The following MAPT variants were observed in gnomAD, a reference collection of about 807,000 sequenced individuals.
MAPT encodes the protein microtubule-associated protein tau.
MAPT carries 34 observed loss-of-function variants against 67.9 expected under a neutral mutation model. That is an observed-to-expected ratio of 0.50 (90% CI 0.38 to 0.67). The LOEUF is 0.67. MAPT is among the 30% of genes least tolerant of loss of function. The probability of loss-of-function intolerance (pLI) is 0.00; values close to 1 mark genes in which losing one functional copy is unlikely to be tolerated. For missense variants in MAPT, 881 were observed against 1,115.2 expected (o/e 0.79, Z 2.99); for synonymous variants, 456 against 464.5 (o/e 0.98, Z 0.23).
intron 9 of MAPT, among the ~76,000 whole-genome samples, chr17:45,997,497 C>T (rs1346892052): frequency 1.3e-5 from 2 of 152,196 alleles, no homozygotes; most frequent in Non-Finnish European, 2.9e-5. Flanking sequence ...TAGTGGCTCA[C>T]GCCTATAATC....
chr17:45,985,020 G>C (rs947027509), intron 5 of MAPT, among the ~76,000 whole-genome samples: 1 of 152,228 alleles, frequency 6.6e-6, no homozygotes, highest in African/African-American at 2.4e-5. Flanking sequence ...AGTTAAGACA[G>C]AGGCTGGGGG....
intron 1 of MAPT, among the ~76,000 whole-genome samples, chr17:45,928,429 A>G (rs1281105959): frequency 6.6e-6 from 1 of 152,130 alleles, no homozygotes; most frequent in Admixed American, 6.6e-5. Context: ...CTACACTCCT[A>G]TGACTTTGTG....
chr17:45,988,516 C>G (rs537511154), intron 6 of MAPT, among the ~76,000 whole-genome samples: 1 of 152,346 alleles, frequency 6.6e-6, no homozygotes, highest in East Asian at 1.9e-4. Context: ...CCCCCCAGCC[C>G]CGCCTCCATA....
At chr17:45,899,656 T>TATTG (rs1326150913) in intron 1 of MAPT, among the ~76,000 whole-genome samples, 1 of 152,202 alleles carries the variant, frequency 6.6e-6, no homozygotes, top group Non-Finnish European at 1.5e-5. Flanking sequence ...CCCAGTAGAA[T>TATTG]ATTGATTCCA....
chr17:45,939,079 G>T (rs1263686279), intron 1 of MAPT, among the ~76,000 whole-genome samples: 1 of 152,094 alleles, frequency 6.6e-6, no homozygotes, highest in Non-Finnish European at 1.5e-5. Flanking sequence ...CTCTCAAAGT[G>T]CTGGGATTAC....
At chr17:45,945,230 GGATAATAA>G (rs1568213314) in intron 1 of MAPT, among the ~76,000 whole-genome samples, 1 of 152,126 alleles carries the variant, frequency 6.6e-6, no homozygotes, top group East Asian at 1.9e-4. Flanking sequence ...TGTAAAACGG[GGATAATAA>G]GATAATAACA....
intron 2 of MAPT, among the ~76,000 whole-genome samples, chr17:45,968,823 C>T (rs1308325256): frequency 6.6e-6 from 1 of 152,204 alleles, no homozygotes; most frequent in Admixed American, 6.5e-5. Context: ...TAATCACTGC[C>T]ACTTATTGGG....
intron 9 of MAPT, among the ~76,000 whole-genome samples, chr17:46,002,520 G>A (rs2075084098): frequency 6.6e-6 from 1 of 152,170 alleles, no homozygotes; most frequent in Non-Finnish European, 1.5e-5. Flanking sequence ...CCAAGCATGG[G>A]GGGGCCTGGT....
rs117105048 is a variant in MAPT, at chr17:46,016,912, A to T, written c.2174-1706A>T. Reference sequence around the variant, plus strand: ...AACATGGCTGGTACAGTTGAGGAAGAGTGGCTGCCATATCGGACGACACAG... The same window carrying T: ...AACATGGCTGGTACAGTTGAGGAAGTGTGGCTGCCATATCGGACGACACAG... On this transcript the variant is annotated intron_variant, in intron 11 of 12. Coordinates refer to ENST00000262410, the MANE Select transcript of MAPT (RefSeq NM_001377265.1). Among the ~76,000 whole-genome samples the T allele has an allele frequency of 1.0e-3, 152 of 152,302 alleles. 1 individual carries two copies. Among genetic ancestry groups the T allele is most frequent in the African/African-American group, 3.5e-3 (145 of 41,546 alleles).
At chr17:46,021,981 A>C (rs954822129) in intron 12 of MAPT, among the ~76,000 whole-genome samples, 4 of 152,218 alleles carry the variant, frequency 2.6e-5, no homozygotes, top group Non-Finnish European at 5.9e-5. Flanking sequence ...GGACATTCCC[A>C]GGAATGTCTT....
At chr17:45,925,537 C>T (rs2066195636) in intron 1 of MAPT, among the ~76,000 whole-genome samples, 1 of 151,560 alleles carries the variant, frequency 6.6e-6, no homozygotes, top group South Asian at 2.1e-4. Context: ...TAGTCACATG[C>T]AAAAGATTTA....
At chr17:45,933,429 A>G (rs900515525) in intron 1 of MAPT, among the ~76,000 whole-genome samples, 12 of 152,030 alleles carry the variant, frequency 7.9e-5, no homozygotes, top group Non-Finnish European at 2.9e-5. Flanking sequence ...TAGTAGAGGC[A>G]GGGTTTCACC....
intron 3 of MAPT, chr17:45,974,134 A>G: frequency 1.8e-6 from 1 of 562,768 alleles, no homozygotes; most frequent in Non-Finnish European, 3.2e-6. Flanking sequence ...CAGCGTTTAC[A>G]CAGGGCTGCC....
At chr17:46,006,758 C>CA (rs1427684897) in intron 9 of MAPT, among the ~76,000 whole-genome samples, 16 of 150,916 alleles carry the variant, frequency 1.1e-4, no homozygotes, top group African/African-American at 1.7e-4. Context: ...ACTACAAATA[C>CA]AAAAAAAAGA....
chr17:46,015,430 C>T (rs900186043), intron 11 of MAPT, among the ~76,000 whole-genome samples: 8 of 151,614 alleles, frequency 5.3e-5, no homozygotes, highest in South Asian at 2.1e-4. Context: ...GAGGCCGAGG[C>T]GAGCGGATCA....
In MAPT at chr17:45,901,284, C is replaced by T. The variant is rs78002412; in HGVS notation, c.-18+6598C>T. On this transcript the variant is annotated intron_variant, in intron 1 of 12. Coordinates refer to ENST00000262410, the MANE Select transcript of MAPT (RefSeq NM_001377265.1). ...TGACCTGCCTTCCCGCCAGCCATCC[C>T]GGGCAGGGTGACCTGGCTTAGTACA... is the stretch of plus-strand genomic sequence containing the variant. Among the ~76,000 whole-genome samples the T allele has an allele frequency of 1.2e-4, 19 of 152,304 alleles. No individual in the cohort carries two copies. In the East Asian group the frequency reaches 1.9e-3, roughly 15 times the overall value.
intron 2 of MAPT, among the ~76,000 whole-genome samples, chr17:45,963,937 G>C (rs2070741472): frequency 6.6e-6 from 1 of 152,190 alleles, no homozygotes; most frequent in African/African-American, 2.4e-5. Context: ...AGGTGGGTTG[G>C]GGGTAGGTGA....
At chr17:46,014,818 G>A (rs1159344722) in intron 11 of MAPT, among the ~76,000 whole-genome samples, 1 of 151,780 alleles carries the variant, frequency 6.6e-6, no homozygotes, top group Admixed American at 6.6e-5. Context: ...AGCTTGCAGT[G>A]AGCGGAGTGA....
rs781280791 is a variant in MAPT at position 45,983,805 on chromosome 17, G to A, written c.1226G>A (p.Gly409Glu). The stretch of plus-strand genomic sequence containing the variant: ...GCATTTCCAGGGGCCCCTGGAGAGG[G>A]GCCAGAGGCCCGGGGCCCCTCTTTG... ...RAAFPGAPGE[G>E]PEARGPSLGE... is the part of the protein sequence containing the mutation. The change falls in exon 5 of 13, where the codon GGG (glycine) becomes GAG (glutamate). Residue 409 changes from glycine (G) to glutamate (E), a missense_variant. Physicochemically the swap from Gly to Glu is moderately conservative, Grantham distance 98. This residue lies in a region of MAPT where 687 missense variants were observed against 766.1 expected (regional missense o/e 0.90). Transcript: ENST00000262410. 22 of 1,613,362 alleles carry A rather than the reference G, an allele frequency of 1.4e-5. No individual in the cohort carries two copies. The South Asian group carries it at 2.4e-4, about 18-fold the overall frequency.
Sources: gnomAD v4.1 joint callset for allele counts (sites outside exome capture counted in the v4.1 genomes callset) on GRCh38, gnomAD v4.1.1 for gene constraint, gnomAD v4.1.1 regional missense constraint, MANE v1.5 for transcripts, NCBI Gene and HGNC (gene_info 2026-07-23, HGNC 2026-07-21) for gene names.